MCF2L2: variants seen among roughly 807,000 people sequenced by gnomAD.
MCF2L2 encodes MCF.2 cell line derived transforming sequence-like 2, also known as probable guanine nucleotide exchange factor MCF2L2.
In MCF2L2, 102 loss-of-function variants were observed where a neutral mutation model predicts 150.2. The observed-to-expected ratio is 0.68, with a 90% CI of 0.58 to 0.80. The LOEUF is 0.80. Ranked by LOEUF, MCF2L2 falls within the 30% of genes least tolerant of loss-of-function variation. The pLI is 0.00. For synonymous variants in MCF2L2, 465 were observed against 491.3 expected, an observed-to-expected ratio of 0.95 and a Z score of 0.71; for missense variants, 1,256 against 1,372.8, an observed-to-expected ratio of 0.91 and a Z score of 1.34.
chr3:183,295,616 G>T, intron 12 of MCF2L2, 139 bp from the exon 13 acceptor site: 1 of 741,646 alleles, frequency 1.3e-6, no homozygotes, highest in Non-Finnish European at 2.2e-6. Flanking sequence ...GCATCACTAT[G>T]CAAGTCGCTG....
Position 183,179,239 on chromosome 3 carries a change from G to A in MCF2L2, c.*141C>T. On this transcript the variant is annotated 3_prime_UTR_variant, in exon 30 of 30. Transcript: ENST00000328913. This position sits in a 1 kb window ranked among gnomAD's most constrained non-coding sequence, Gnocchi z 4.2. ...AGGACACCCCTCGGGCTCCTCGGAG[G>A]AGGCCCTGGTTGTCCCCTTTCTGCC... 1.7e-6 allele frequency: 2 copies of A among 1,179,096 alleles called. No homozygotes were observed. Among genetic ancestry groups the A allele is most frequent in the Non-Finnish European group, 1.1e-6 (1 of 908,054 alleles). 73.0% of individuals were successfully genotyped at this position (1,179,096 alleles called of 1,614,324 possible).
At chr3:183,331,540 A>C (rs1449818694) in intron 5 of MCF2L2, among the ~76,000 whole-genome samples, 1 of 152,262 alleles carries the variant, frequency 6.6e-6, no homozygotes. Context: ...AAAGAAATAC[A>C]TGGTCTTTTA....
chr3:183,263,845 G>A (rs766626724), intron 15 of MCF2L2, among the ~76,000 whole-genome samples: 2 of 151,742 alleles, frequency 1.3e-5, no homozygotes, highest in African/African-American at 4.9e-5. Context: ...TCCTTTACTC[G>A]CCATCCCAGG....
At chr3:183,347,068 C>G (rs953469133) in intron 3 of MCF2L2, among the ~76,000 whole-genome samples, 46 of 152,030 alleles carry the variant, frequency 3.0e-4, no homozygotes, top group African/African-American at 1.1e-3. Flanking sequence ...TTTAAATTTC[C>G]TATGGAACCA....
At chr3:183,348,603 G>A (rs537816399) in intron 3 of MCF2L2, among the ~76,000 whole-genome samples, 1 of 151,990 alleles carries the variant, frequency 6.6e-6, no homozygotes, top group African/African-American at 2.4e-5. Context: ...AAGTAGAGAC[G>A]GAGTAAATAC....
intron 15 of MCF2L2, chr3:183,269,990 T>TAAGCA: frequency 6.2e-7 from 1 of 1,614,168 alleles, no homozygotes; most frequent in Non-Finnish European, 8.5e-7. Flanking sequence ...CCCTGTCTCT[T>TAAGCA]AAGCACACCT....
rs1722118966 is a variant in MCF2L2 at position 183,197,626 on chromosome 3, T to C, written c.2885-2371A>G. Reference sequence around the variant, plus strand: ...TTTTTAAAATTAAATATTATAAGAATTAAAGTCTTTTGCTCTTCAAAAGTC... The same window carrying C: ...TTTTTAAAATTAAATATTATAAGAACTAAAGTCTTTTGCTCTTCAAAAGTC... On this transcript the variant is annotated intron_variant, in intron 25 of 29. Coordinates refer to ENST00000328913, the MANE Select transcript of MCF2L2 (RefSeq NM_015078.4). This position sits in a 1 kb window ranked among gnomAD's most constrained non-coding sequence, Gnocchi z 4.5. Among the ~76,000 whole-genome samples the C allele has an allele frequency of 6.6e-6, 1 of 152,118 alleles. No homozygotes were observed. The highest frequency in any genetic ancestry group is 2.4e-5 in the African/African-American group (1 of 41,426).
At chr3:183,326,502 A>C (rs549435871) in intron 5 of MCF2L2, among the ~76,000 whole-genome samples, 4 of 148,438 alleles carry the variant, frequency 2.7e-5, no homozygotes, top group African/African-American at 1.0e-4. Context: ...CAAAAAAAAA[A>C]AAAAAAAAAA....
In MCF2L2 at chr3:183,330,245, G is replaced by GAAAAA. The variant is rs200391954; in HGVS notation, c.487-6899_487-6895dup. Among the ~76,000 whole-genome samples, 162 of 57,324 alleles carry GAAAAA rather than the reference G, an allele frequency of 2.8e-3. 3 individuals carry two copies. Among genetic ancestry groups the GAAAAA allele is most frequent in the African/African-American group, 0.011 (152 of 13,896 alleles). The allele number at this position is 57,324 out of a possible 152,430, so 37.6% of individuals were successfully genotyped here. On this transcript the variant is annotated intron_variant, in intron 5 of 29. Transcript: ENST00000328913. Reference sequence around the variant, plus strand: ...AGGTGACAGAGCAAGACCCTGTCTTGAAAAAAAAAAAAAAAAAAGAAGAAG... The same window carrying GAAAAA: ...AGGTGACAGAGCAAGACCCTGTCTTGAAAAAAAAAAAAAAAAAAAAAAAGAAGAAG...
At chr3:183,259,903 G>A (rs1389204145) in intron 15 of MCF2L2, among the ~76,000 whole-genome samples, 1 of 152,162 alleles carries the variant, frequency 6.6e-6, no homozygotes, top group African/African-American at 2.4e-5. Context: ...AGTGAAGGAA[G>A]TAAGAACAGT....
Position 183,363,420 on chromosome 3 carries a change from G to T in MCF2L2, c.275+15877C>A, listed in dbSNP as rs77838289. On this transcript the variant is annotated intron_variant, in intron 3 of 29. Transcript: ENST00000328913. The stretch of plus-strand genomic sequence containing the variant: ...TGCCAAAACTGAAAATACTCATGAT[G>T]CAGACGAATGGAAAAACAAACTGTG... Among the ~76,000 whole-genome samples, 592 of 152,320 alleles carry T rather than the reference G, an allele frequency of 3.9e-3. 5 individuals are homozygous for T. The highest frequency in any genetic ancestry group is 0.013 in the African/African-American group (534 of 41,568).
At chr3:183,195,085 T>A (rs1015614267) in intron 26 of MCF2L2, 137 bp downstream of exon 26, 2 of 759,952 alleles carry the variant, frequency 2.6e-6, no homozygotes, top group African/African-American at 3.6e-5. Context: ...GCCCAGCCAA[T>A]ATTTTTTAAA....
At chr3:183,207,486 G>A (rs987314420) in intron 23 of MCF2L2, 122 bp downstream of exon 23, 11 of 720,980 alleles carry the variant, frequency 1.5e-5, no homozygotes, top group Middle Eastern at 4.0e-4. Flanking sequence ...GCCCTGTGGT[G>A]TGGTATTTGG....
At chr3:183,341,678 C>G in intron 3 of MCF2L2, 48 bp from the exon 4 acceptor site, 5 of 1,259,414 alleles carry the variant, frequency 4.0e-6, no homozygotes, top group Non-Finnish European at 5.8e-6. Context: ...GACCCATATG[C>G]TCCATGTGGC....
At chr3:183,293,556 T>C (rs182154487) in intron 13 of MCF2L2, among the ~76,000 whole-genome samples, 6 of 152,260 alleles carry the variant, frequency 3.9e-5, no homozygotes, top group African/African-American at 1.4e-4. Context: ...TCCTAAAAAA[T>C]AGAAATAGAA....
At chr3:183,405,183 G>A (rs1271036592) in intron 1 of MCF2L2, among the ~76,000 whole-genome samples, 10 of 151,886 alleles carry the variant, frequency 6.6e-5, no homozygotes, top group Admixed American at 6.6e-4. Context: ...AATGCCAAAG[G>A]AACAAAAAGC....
intron 25 of MCF2L2, among the ~76,000 whole-genome samples, chr3:183,202,507 C>G (rs1722324387): frequency 6.6e-6 from 1 of 152,176 alleles, no homozygotes; most frequent in Non-Finnish European, 1.5e-5. Flanking sequence ...ATGATCTGCA[C>G]AAACAGAAAG....
Position 183,348,973 on chromosome 3 carries a change from A to C in MCF2L2, c.276-7343T>G, listed in dbSNP as rs79038460. On this transcript the variant is annotated intron_variant, in intron 3 of 29. Coordinates refer to ENST00000328913, the MANE Select transcript of MCF2L2 (RefSeq NM_015078.4). ...TAGAACAAGCAGCCAAAAATTAGTA[A>C]GAACATAGACCCGACTTGGAAGAAC... 2.3e-4 allele frequency among the ~76,000 whole-genome samples: 35 copies of C among 152,344 alleles called. No individual in the cohort carries two copies. In the East Asian group the frequency reaches 6.0e-3, roughly 26 times the overall value.
chr3:183,205,137 T>C (rs1722426763), intron 25 of MCF2L2, among the ~76,000 whole-genome samples: 1 of 152,158 alleles, frequency 6.6e-6, no homozygotes, highest in Non-Finnish European at 1.5e-5. Context: ...TCCCAGCACT[T>C]TGGGAGGCCG....
Sources: allele counts gnomAD v4.1 joint callset (sites outside exome capture counted in the v4.1 genomes callset), GRCh38; gene constraint gnomAD v4.1.1; non-coding constraint Gnocchi (gnomAD v3.1); transcripts MANE v1.5; gene names NCBI Gene and HGNC (gene_info 2026-07-23, HGNC 2026-07-21).